Variants in SPDL1 observed in about 807,000 individuals in gnomAD.
The protein encoded by SPDL1 is spindle apparatus coiled-coil protein 1.
In SPDL1, 85 loss-of-function variants were observed where a neutral mutation model predicts 79.5. The observed-to-expected ratio is 1.07, with a 90% CI of 0.90 to 1.28. The LOEUF is 1.28. Ranked by LOEUF, SPDL1 falls within the 50% of genes most tolerant of loss-of-function variation. The pLI, the probability that SPDL1 is intolerant of heterozygous loss-of-function variation, is 0.00. For missense variants in SPDL1, 703 were observed against 697.8 expected, an observed-to-expected ratio of 1.01 and a Z score of -0.08; for synonymous variants, 269 against 240.3, an observed-to-expected ratio of 1.12 and a Z score of -1.10.
At position 169,601,331 on chromosome 5, in the gene SPDL1, A is replaced by C. The variant is rs142463039; in HGVS notation, c.1376A>C (p.Asp459Ala). 2.5e-6 allele frequency: 4 copies of C among 1,613,692 alleles called. No homozygotes were observed. Among genetic ancestry groups the C allele is most frequent in the Non-Finnish European group, 2.5e-6 (3 of 1,179,962 alleles). ...LKKRREVLPV[D>A]ITTAKDACVN... ...AAGAGGCGTGAGGTGCTCCCTGTGG[A>C]TATAACCACCGCTAAAGATGCATGT... The change falls in exon 11 of 12, where the codon GAT becomes GCT. Residue 459 changes from aspartate (D) to alanine (A), a missense_variant. Coordinates refer to ENST00000265295, the MANE Select transcript of SPDL1 (RefSeq NM_017785.5).
rs1263915138 is a variant in SPDL1, at chr5:169,596,650, T to C, written c.981T>C (p.Asn327=). ...ERLLAMLEQK[N]GEIKHLLGEI... is the part of the protein sequence containing the mutation. The stretch of plus-strand genomic sequence containing the variant: ...TGCTTGCCATGTTGGAGCAGAAGAA[T>C]GGTGAAATAAAACATCTTTTAGGTG... The change falls in exon 8 of 12, where the codon AAT becomes AAC. Residue 327 remains asparagine (N), a synonymous_variant. Transcript: ENST00000265295. 2.5e-6 allele frequency: 4 copies of C among 1,605,968 alleles called. No individual in the cohort carries two copies. Among genetic ancestry groups the C allele is most frequent in the Non-Finnish European group, 3.4e-6 (4 of 1,177,700 alleles).
At chr5:169,585,367 A>G (rs183089105) in intron 1 of SPDL1, among the ~76,000 whole-genome samples, 1 of 152,256 alleles carries the variant, frequency 6.6e-6, no homozygotes, top group African/African-American at 2.4e-5. Context: ...TTAGGTTGCC[A>G]TTGTGTTGTC....
Position 169,594,657 on chromosome 5 carries a change from C to T in SPDL1, c.867C>T (p.Asn289=), listed in dbSNP as rs1215409408. ...YQSLKKQNVF[N]REQMQRMKLQ... is the part of the protein sequence containing the mutation. ...CACTAAAGAAGCAAAATGTATTTAA[C>T]AGAGAACAGATGCAGAGAATGAAGG... The change falls in exon 7 of 12, where the codon AAC becomes AAT. Residue 289 remains asparagine (N), a synonymous_variant. Transcript: ENST00000265295. 4 of 1,612,626 alleles carry T rather than the reference C, an allele frequency of 2.5e-6. No homozygotes were observed. The highest frequency in any genetic ancestry group is 2.5e-6 in the Non-Finnish European group (3 of 1,178,838).
intron 7 of SPDL1, 77 bp from the exon 8 acceptor site, chr5:169,596,484 G>A (rs1755585059): frequency 1.6e-6 from 2 of 1,255,816 alleles, no homozygotes; most frequent in Admixed American, 2.0e-5. Flanking sequence ...TACAAATTAT[G>A]AATTGTATCA....
At position 169,594,233 on chromosome 5, in the gene SPDL1, G is replaced by A. The variant is rs773770792; in HGVS notation, c.620G>A (p.Arg207Gln). 23 of 1,613,862 alleles carry A rather than the reference G, an allele frequency of 1.4e-5. No homozygotes were observed. The highest frequency in any genetic ancestry group is 2.7e-5 in the African/African-American group (2 of 74,904). Residue 207 changes from arginine to glutamine, a missense_variant, in exon 5 of 12, where the codon CGG (arginine) becomes CAG (glutamine). Physicochemically the swap from Arg to Gln is conservative, Grantham distance 43 (BLOSUM62 1). Coordinates refer to ENST00000265295, the MANE Select transcript of SPDL1 (RefSeq NM_017785.5). Reference sequence around the variant, plus strand: ...ACTAACCTAATGCGCCAGGTAGACCGGCTTAAAGAGGAAAAAGAGGAGCGA... The same window carrying A: ...ACTAACCTAATGCGCCAGGTAGACCAGCTTAAAGAGGAAAAAGAGGAGCGA... ...LITNLMRQVD[R>Q]LKEEKEEREK...
At chr5:169,592,403 G>A (rs1247466866) in intron 3 of SPDL1, among the ~76,000 whole-genome samples, 2 of 151,788 alleles carry the variant, frequency 1.3e-5, no homozygotes, top group African/African-American at 4.8e-5. Flanking sequence ...TTTTAATAGA[G>A]ACAGGGTTTC....
rs1208288115 is a variant in SPDL1 at position 169,583,816 on chromosome 5, A to G, written c.-97A>G. ...CGAATGGGCCGGCGACTGTGGAGTT[A>G]GCGTCCTCAATGTGGACGCCCTGAG... On this transcript the variant is annotated 5_prime_UTR_variant, in exon 1 of 12. An upstream open reading frame in the 5' UTR loses its in-frame stop. Transcript: ENST00000265295. 6.6e-6 allele frequency: 1 copy of G among 152,320 alleles called. No homozygotes were observed. The highest frequency in any genetic ancestry group is 1.5e-5 in the Non-Finnish European group (1 of 68,090). The allele number at this position is 152,320 out of a possible 1,614,324, so 9.4% of individuals were successfully genotyped here. A position where few individuals can be genotyped will look rare whatever the true frequency, so the allele number is the denominator to read the frequency against.
intron 1 of SPDL1, among the ~76,000 whole-genome samples, chr5:169,585,143 C>T (rs944354574): frequency 6.6e-6 from 1 of 152,210 alleles, no homozygotes; most frequent in Non-Finnish European, 1.5e-5. Flanking sequence ...TCCATTAGAC[C>T]TCTGCTGAAA....
chr5:169,593,229 C>T, intron 3 of SPDL1, 125 bp from the exon 4 acceptor site: 1 of 798,246 alleles, frequency 1.3e-6, no homozygotes. Context: ...GATGCCTAAC[C>T]TTGGGCAAAT....
chr5:169,603,947 A>AT (rs1338879439), intron 11 of SPDL1, 113 bp from the exon 12 acceptor site: 32 of 1,185,794 alleles, frequency 2.7e-5, no homozygotes, highest in Non-Finnish European at 3.3e-5. Context: ...AGTCAACTAT[A>AT]TTTTTTTTCC....
Position 169,601,390 on chromosome 5 carries a change from C to G in SPDL1, c.1435C>G (p.Arg479Gly). 1 of 1,613,980 alleles carries G rather than the reference C, an allele frequency of 6.2e-7. No individual in the cohort carries two copies. The highest frequency in any genetic ancestry group is 8.5e-7 in the Non-Finnish European group (1 of 1,179,996). The change falls in exon 11 of 12, where the codon CGA becomes GGA. Residue 479 changes from arginine (R) to glycine (G), a missense_variant. Physicochemically the swap from Arg to Gly is moderately radical, Grantham distance 125. Transcript: ENST00000265295. ...CAGTGCTCTCGGGGGAGAAGTTTATCGATTACCGCCTCAGAAAGAGGAGAC... is the reference window on the plus strand; with the variant it reads ...CAGTGCTCTCGGGGGAGAAGTTTATGGATTACCGCCTCAGAAAGAGGAGAC... ...NNSALGGEVY[R>G]LPPQKEETQS...
At chr5:169,602,791 G>GA (rs957540070) in intron 11 of SPDL1, among the ~76,000 whole-genome samples, 1 of 152,122 alleles carries the variant, frequency 6.6e-6, no homozygotes, top group Admixed American at 6.5e-5. Context: ...CATTCTTAAG[G>GA]AAAAAGTAAC....
At position 169,594,391 on chromosome 5, in the gene SPDL1, T is replaced by C; in HGVS notation, c.682-3T>C. On this transcript the variant is annotated splice_polypyrimidine_tract_variant and splice_region_variant and intron_variant, in intron 5 of 11. Transcript: ENST00000265295. ...TGCCTAAATTGTTTTCTTTTGAATT[T>C]AGAAAGCTCGTGTAGCAAATCAAGA... 6.2e-7 allele frequency: 1 copy of C among 1,613,982 alleles called. No homozygotes were observed. Among genetic ancestry groups the C allele is most frequent in the East Asian group, 2.2e-5 (1 of 44,880 alleles).
chr5:169,588,008 T>C (rs1581283548), intron 1 of SPDL1, among the ~76,000 whole-genome samples: 1 of 152,298 alleles, frequency 6.6e-6, no homozygotes, highest in African/African-American at 2.4e-5. Context: ...TACCTGCTAC[T>C]ATGAGGTTTC....
intron 1 of SPDL1, 188 bp downstream of exon 1, chr5:169,584,077 G>C (rs530808930): frequency 6.6e-6 from 1 of 152,318 alleles, no homozygotes; most frequent in African/African-American, 2.4e-5. Context: ...GGACCACCTC[G>C]CCGCCCTCAG....
At chr5:169,597,908 A>G (rs1755673478) in intron 8 of SPDL1, among the ~76,000 whole-genome samples, 1 of 152,200 alleles carries the variant, frequency 6.6e-6, no homozygotes. Flanking sequence ...GCCTTAAATC[A>G]GGGGAATTTT....
chr5:169,596,264 G>A (rs1755574257), intron 7 of SPDL1: 2 of 239,112 alleles, frequency 8.4e-6, no homozygotes, highest in East Asian at 1.1e-4. Flanking sequence ...GTTTGGCCAG[G>A]CTTACTTACC....
rs1325772630 is a variant in SPDL1, at chr5:169,594,202, C to G, written c.589C>G (p.Leu197Val). The change falls in exon 5 of 12, where the codon CTT becomes GTT. Residue 197 changes from leucine (L) to valine (V), a missense_variant. Transcript: ENST00000265295. The stretch of plus-strand genomic sequence containing the variant: ...ATACAGACAAGAACAGCTAGAACTT[C>G]TTATTACTAACCTAATGCGCCAGGT... Reference protein sequence around the residue: ...LQYRQEQLELLITNLMRQVDR... With the variant: ...LQYRQEQLELVITNLMRQVDR... 6.2e-7 allele frequency: 1 copy of G among 1,613,820 alleles called. No homozygotes were observed. The highest frequency in any genetic ancestry group is 1.7e-5 in the Admixed American group (1 of 59,994).
rs116951271 is a variant in SPDL1 at position 169,603,871 on chromosome 5, T to C, written c.1671-189T>C. ...CTGTCTCAAAAAGTAATAATAACAA[T>C]AATTGAGCCTATTGATATAAAAAGA... On this transcript the variant is annotated intron_variant, in intron 11 of 11. Coordinates refer to ENST00000265295, the MANE Select transcript of SPDL1 (RefSeq NM_017785.5). Among the ~76,000 whole-genome samples, 64 of 152,202 alleles carry C rather than the reference T, an allele frequency of 4.2e-4. No homozygotes were observed. The East Asian group carries it at 8.7e-3, about 21-fold the overall frequency.
Sources: allele counts gnomAD v4.1 joint callset (sites outside exome capture counted in the v4.1 genomes callset), GRCh38; gene constraint gnomAD v4.1.1; transcripts MANE v1.5; gene names NCBI Gene and HGNC (gene_info 2026-07-23, HGNC 2026-07-21).